Variants in GRIP1 observed in about 807,000 individuals in gnomAD.
The protein encoded by GRIP1 is glutamate receptor-interacting protein 1.
In GRIP1, 45 loss-of-function variants were observed where a neutral mutation model predicts 129.9. The observed-to-expected ratio is 0.35, with a 90% CI of 0.27 to 0.44. GRIP1 has a LOEUF of 0.44. GRIP1 is among the 20% of genes least tolerant of loss of function. The pLI is 1.00. For missense variants in GRIP1, 1,196 were observed against 1,396.8 expected, an observed-to-expected ratio of 0.86 and a Z score of 2.29; for synonymous variants, 530 against 520.8, an observed-to-expected ratio of 1.02 and a Z score of -0.24.
At chr12:66,598,472 C>T (rs531484759) in intron 1 of GRIP1, among the ~76,000 whole-genome samples, 14 of 152,282 alleles carry the variant, frequency 9.2e-5, no homozygotes, top group African/African-American at 2.6e-4. Flanking sequence ...CTTAGGTCTT[C>T]GACTCTTCTC....
intron 13 of GRIP1, among the ~76,000 whole-genome samples, chr12:66,438,033 A>G (rs1314721904): frequency 1.3e-5 from 2 of 152,206 alleles, no homozygotes; most frequent in Non-Finnish European, 2.9e-5. Flanking sequence ...TTCACCACTA[A>G]TGTTCTGTTA....
chr12:66,474,538 G>A (rs375916788), intron 7 of GRIP1, among the ~76,000 whole-genome samples: 5 of 152,026 alleles, frequency 3.3e-5, no homozygotes, highest in East Asian at 1.9e-4. Context: ...AGATTCACCA[G>A]AGTTGAAATG....
At chr12:66,565,170 T>G (rs2062703601) in intron 2 of GRIP1, among the ~76,000 whole-genome samples, 1 of 152,206 alleles carries the variant, frequency 6.6e-6, no homozygotes, top group African/African-American at 2.4e-5. Flanking sequence ...GCCATTGCTT[T>G]TGGTGTTTTA....
chr12:66,356,055 C>A (rs112943284), intron 23 of GRIP1, among the ~76,000 whole-genome samples: 4,430 of 152,250 alleles, frequency 0.029, 91 homozygotes, highest in Non-Finnish European at 0.043. Context: ...ACTGTGTGGA[C>A]ACGAGAGGGA....
chr12:66,401,927 C>T (rs1412326593), intron 16 of GRIP1, among the ~76,000 whole-genome samples: 1 of 152,110 alleles, frequency 6.6e-6, no homozygotes, highest in African/African-American at 2.4e-5. Flanking sequence ...TCCAGTGGGC[C>T]TCATTCCTGT....
intron 1 of GRIP1, among the ~76,000 whole-genome samples, chr12:66,760,977 A>G (rs11615985): frequency 0.39 from 58,971 of 151,752 alleles, 11,795 homozygotes; most frequent in Middle Eastern, 0.48. Flanking sequence ...CTTACCACAC[A>G]GTGTAAGACA....
intron 1 of GRIP1, among the ~76,000 whole-genome samples, chr12:66,692,534 G>C (rs1182515658): frequency 6.6e-6 from 1 of 152,094 alleles, no homozygotes; most frequent in Non-Finnish European, 1.5e-5. Flanking sequence ...TGTTCATTTT[G>C]GAGGAGATTT....
intron 1 of GRIP1, among the ~76,000 whole-genome samples, chr12:66,997,704 G>A (rs954165895): frequency 5.3e-5 from 8 of 152,020 alleles, no homozygotes; most frequent in South Asian, 2.1e-4. Flanking sequence ...TGGTCAAGAC[G>A]GAAAAAGGAA....
chr12:66,392,556 A>G (rs2056633251), intron 18 of GRIP1, 54 bp from the exon 19 acceptor site: 1 of 1,581,784 alleles, frequency 6.3e-7, no homozygotes, highest in Admixed American at 1.7e-5. Flanking sequence ...ATAAAAATAT[A>G]CCAAGATACT....
chr12:66,453,565 G>A (rs554396353), intron 11 of GRIP1, among the ~76,000 whole-genome samples: 3 of 152,270 alleles, frequency 2.0e-5, no homozygotes, highest in Admixed American at 1.3e-4. Context: ...TATTTAGGCC[G>A]ATGACAGTTA....
intron 16 of GRIP1, among the ~76,000 whole-genome samples, chr12:66,405,909 T>A (rs1049830750): frequency 6.6e-6 from 1 of 152,186 alleles, no homozygotes; most frequent in Non-Finnish European, 1.5e-5. Context: ...CGATCAAATG[T>A]TTACAATGTA....
At chr12:66,961,878 T>C (rs540574667) in intron 1 of GRIP1, among the ~76,000 whole-genome samples, 8 of 152,288 alleles carry the variant, frequency 5.3e-5, no homozygotes, top group Non-Finnish European at 1.0e-4. Context: ...CGAACAAATA[T>C]ATTGCTAAAA....
intron 7 of GRIP1, among the ~76,000 whole-genome samples, chr12:66,472,788 C>G (rs763526833): frequency 1.3e-5 from 2 of 152,206 alleles, no homozygotes; most frequent in African/African-American, 2.4e-5. Context: ...ATGGTGCACA[C>G]TAGCCCAGAT....
At chr12:66,499,491 T>G (rs544472617) in intron 7 of GRIP1, among the ~76,000 whole-genome samples, 100 of 152,226 alleles carry the variant, frequency 6.6e-4, no homozygotes, top group Non-Finnish European at 1.2e-3. Flanking sequence ...AAATAATATC[T>G]TTTATGTACA....
chr12:66,813,468 C>T (rs1249365287), intron 1 of GRIP1, among the ~76,000 whole-genome samples: 1 of 152,134 alleles, frequency 6.6e-6, no homozygotes, highest in Non-Finnish European at 1.5e-5. Context: ...AGATAACATA[C>T]AGTAAATACA....
At chr12:66,548,568 C>CA (rs2062019910) in intron 2 of GRIP1, among the ~76,000 whole-genome samples, 2 of 152,152 alleles carry the variant, frequency 1.3e-5, no homozygotes, top group Admixed American at 6.5e-5. Context: ...AGAGGCAACA[C>CA]ATGATGGACT....
intron 1 of GRIP1, among the ~76,000 whole-genome samples, chr12:66,648,565 C>CGGA (rs2032551041): frequency 6.6e-6 from 1 of 152,208 alleles, no homozygotes; most frequent in African/African-American, 2.4e-5. Context: ...TTCTGAAAGA[C>CGGA]GGAGTCTGCT....
intron 1 of GRIP1, among the ~76,000 whole-genome samples, chr12:67,003,325 A>G (rs180678733): frequency 1.3e-5 from 2 of 152,302 alleles, no homozygotes; most frequent in Admixed American, 1.3e-4. Flanking sequence ...TATAGTATTA[A>G]TACTTTTCCA....
At position 66,487,584 on chromosome 12, in the gene GRIP1, C is replaced by T. The variant is rs935363215; in HGVS notation, c.725-22162G>A. Among the ~76,000 whole-genome samples, 3 of 152,074 alleles carry T rather than the reference C, an allele frequency of 2.0e-5. 1 individual carries two copies. Among genetic ancestry groups the T allele is most frequent in the South Asian group, 4.2e-4 (2 of 4,814 alleles). On this transcript the variant is annotated intron_variant, in intron 7 of 24. Transcript: ENST00000359742. ...TGAAGCAACCACATAAACAAGTCTG[C>T]AAAATAACCAGCTAGCATCATGATG...
Sources: gnomAD v4.1 joint callset for allele counts (sites outside exome capture counted in the v4.1 genomes callset) on GRCh38, gnomAD v4.1.1 for gene constraint, MANE v1.5 for transcripts, NCBI Gene and HGNC (gene_info 2026-07-23, HGNC 2026-07-21) for gene names.